ATP8A2: variants seen among roughly 807,000 people sequenced by gnomAD.
ATP8A2 encodes phospholipid-transporting ATPase IB.
In ATP8A2, 100 loss-of-function variants were observed where a neutral mutation model predicts 165.6. The observed-to-expected ratio is 0.60, with a 90% confidence interval of 0.51 to 0.71. ATP8A2 has a LOEUF of 0.71. Ranked by LOEUF, ATP8A2 falls within the 30% of genes least tolerant of loss-of-function variation. ATP8A2 has a pLI of 0.00. For synonymous variants in ATP8A2, 543 were observed against 548.8 expected (o/e 0.99, Z 0.15); for missense variants, 1,227 against 1,479.5 (o/e 0.83, Z 2.80).
chr13:25,943,671 T>G (rs9581487), intron 33 of ATP8A2, among the ~76,000 whole-genome samples: 64,004 of 152,160 alleles, frequency 0.42, 14,513 homozygotes, highest in African/African-American at 0.61. Flanking sequence ...CCTGTCGATC[T>G]CTGCCTGTAT....
rs142971179 is a variant in ATP8A2, at chr13:25,427,691, C to T, written c.77-41286C>T. 7.4e-3 allele frequency among the ~76,000 whole-genome samples: 1,115 copies of T among 151,120 alleles called. 10 individuals are homozygous for T. Among genetic ancestry groups the T allele is most frequent in the Admixed American group, 0.011 (160 of 15,202 alleles). ...CAGGTGGAACATGAGGTCAAGAGAT[C>T]GAGACCATGCTGGCCAACATGGTGA... On this transcript the variant is annotated intron_variant, in intron 1 of 36. Coordinates refer to ENST00000381655, the MANE Select transcript of ATP8A2 (RefSeq NM_016529.6).
intron 33 of ATP8A2, among the ~76,000 whole-genome samples, chr13:25,952,683 CT>C (rs1955401327): frequency 6.6e-6 from 1 of 152,102 alleles, no homozygotes; most frequent in Admixed American, 6.6e-5. Context: ...GTTTTCTTTT[CT>C]GTTGCATTGC....
At position 25,725,087 on chromosome 13, in the gene ATP8A2, C is replaced by G. The variant is rs76048470; in HGVS notation, c.2384+25742C>G. Among the ~76,000 whole-genome samples the G allele has an allele frequency of 6.5e-3, 990 of 152,280 alleles. 7 individuals are homozygous for G. The highest frequency in any genetic ancestry group is 0.014 in the Middle Eastern group (4 of 294). ...CCTTTAAACAAGCGCTCTGAAGAAG[C>G]TGTGATAAATGCTGGGTTCTCCATT... On this transcript the variant is annotated intron_variant, in intron 25 of 36. Coordinates refer to ENST00000381655, the MANE Select transcript of ATP8A2 (RefSeq NM_016529.6).
chr13:25,727,726 T>G (rs955916217), intron 25 of ATP8A2, among the ~76,000 whole-genome samples: 2 of 152,214 alleles, frequency 1.3e-5, no homozygotes, highest in African/African-American at 4.8e-5. Flanking sequence ...AGAGAAAATA[T>G]TTTTTCAAGC....
At chr13:25,413,278 G>GT (rs1195456593) in intron 1 of ATP8A2, among the ~76,000 whole-genome samples, 1,988 of 105,262 alleles carry the variant, frequency 0.019, 73 homozygotes, top group Middle Eastern at 0.027. Context: ...CTTTTTCTTT[G>GT]TTTTTTTTTT....
At chr13:25,695,653 T>C (rs2042819175) in intron 24 of ATP8A2, among the ~76,000 whole-genome samples, 1 of 152,214 alleles carries the variant, frequency 6.6e-6, no homozygotes, top group Non-Finnish European at 1.5e-5. Context: ...GAAACCACTT[T>C]CTTTGCCCAT....
chr13:25,551,554 G>C (rs1219358139), intron 11 of ATP8A2, 51 bp downstream of exon 11: 1 of 1,548,322 alleles, frequency 6.5e-7, no homozygotes, highest in African/African-American at 1.4e-5. Context: ...CCATTTTTGA[G>C]ATGTTCTTGC....
chr13:25,538,351 G>C (rs1593489634), intron 7 of ATP8A2, among the ~76,000 whole-genome samples: 1 of 152,268 alleles, frequency 6.6e-6, no homozygotes, highest in East Asian at 1.9e-4. Context: ...GAGCAGTGGA[G>C]TGGTCCATTC....
chr13:25,567,860 A>G (rs2039360806), intron 16 of ATP8A2, among the ~76,000 whole-genome samples: 1 of 152,146 alleles, frequency 6.6e-6, no homozygotes, highest in South Asian at 2.1e-4. Flanking sequence ...AAATGTACCC[A>G]TTGGAGGTTT....
intron 1 of ATP8A2, among the ~76,000 whole-genome samples, chr13:25,455,244 G>C (rs2035335064): frequency 1.3e-5 from 2 of 152,216 alleles, no homozygotes; most frequent in African/African-American, 4.8e-5. Flanking sequence ...GAGACTCCTT[G>C]ATTGTGGCCC....
intron 35 of ATP8A2, among the ~76,000 whole-genome samples, chr13:25,975,437 C>T (rs1395061330): frequency 1.3e-5 from 2 of 150,908 alleles, no homozygotes; most frequent in Non-Finnish European, 3.0e-5. Context: ...AAAAAATTAG[C>T]CGGGTGTGGT....
At chr13:25,692,432 G>A (rs1322021868) in intron 24 of ATP8A2, among the ~76,000 whole-genome samples, 1 of 152,202 alleles carries the variant, frequency 6.6e-6, no homozygotes, top group Non-Finnish European at 1.5e-5. Context: ...CGGAGGAAGA[G>A]GGCTCCTACC....
chr13:25,843,906 G>A (rs897605105), intron 30 of ATP8A2, among the ~76,000 whole-genome samples: 9 of 152,138 alleles, frequency 5.9e-5, no homozygotes, highest in Admixed American at 3.9e-4. Flanking sequence ...AACACCTGGC[G>A]GAGGGGGGGA....
intron 1 of ATP8A2, chr13:25,468,702 G>A (rs1203812593): frequency 5.0e-6 from 2 of 396,876 alleles, no homozygotes; most frequent in African/African-American, 4.3e-5. Flanking sequence ...GAGCGCAGGA[G>A]CTGGGGGCGG....
Position 25,984,021 on chromosome 13 carries a change from C to A in ATP8A2, c.3377+15342C>A, listed in dbSNP as rs530197259. Among the ~76,000 whole-genome samples the A allele has an allele frequency of 2.6e-5, 4 of 151,788 alleles. No homozygotes were observed. In the East Asian group the frequency reaches 7.8e-4, roughly 30 times the overall value. ...GCCGAGGCAGGAGAAAGACTTGAGG[C>A]CAGGAGTTCAAGACCAGCCTAGGCA... On this transcript the variant is annotated intron_variant, in intron 35 of 36. Transcript: ENST00000381655.
intron 33 of ATP8A2, among the ~76,000 whole-genome samples, chr13:25,959,206 G>T (rs1955600497): frequency 6.6e-6 from 1 of 152,168 alleles, no homozygotes; most frequent in Admixed American, 6.5e-5. Flanking sequence ...TGGTTTTCTT[G>T]GTTGGGGAGA....
chr13:25,962,224 G>C (rs973332215), intron 34 of ATP8A2, among the ~76,000 whole-genome samples: 1 of 152,094 alleles, frequency 6.6e-6, no homozygotes, highest in African/African-American at 2.4e-5. Flanking sequence ...TCACGGATAT[G>C]GCCTGGCTTC....
chr13:25,671,514 G>A (rs981743920), intron 24 of ATP8A2, among the ~76,000 whole-genome samples: 2 of 152,164 alleles, frequency 1.3e-5, no homozygotes, highest in Non-Finnish European at 2.9e-5. Context: ...GGATATCCCT[G>A]AGAAAGAGAA....
intron 27 of ATP8A2, among the ~76,000 whole-genome samples, chr13:25,795,745 T>A (rs56043227): frequency 0.014 from 2,187 of 152,342 alleles, 25 homozygotes; most frequent in Middle Eastern, 0.048. Context: ...GAAATTTATC[T>A]CAAATCTCCC....
Sources: gnomAD v4.1 joint callset for allele counts (sites outside exome capture counted in the v4.1 genomes callset) on GRCh38, gnomAD v4.1.1 for gene constraint, MANE v1.5 for transcripts, NCBI Gene and HGNC (gene_info 2026-07-23, HGNC 2026-07-21) for gene names.